The following NEMF variants were observed in gnomAD, a reference collection of about 807,000 sequenced individuals.
NEMF encodes ribosome quality control complex subunit NEMF.
NEMF carries 89 observed loss-of-function variants against 162.2 expected under a neutral mutation model. The observed-to-expected ratio is 0.55, with a 90% CI of 0.46 to 0.65. The LOEUF (loss-of-function observed/expected upper bound fraction) is 0.65, where lower values mean the gene tolerates loss of function less well. Among genes scored for constraint, NEMF ranks in the 30% least tolerant of loss-of-function variants. The probability of loss-of-function intolerance (pLI) is 0.00; values close to 1 mark genes in which losing one functional copy is unlikely to be tolerated. For synonymous variants in NEMF, 421 were observed against 404.5 expected, an observed-to-expected ratio of 1.04 and a Z score of -0.49; for missense variants, 1,133 against 1,261.9, an observed-to-expected ratio of 0.90 and a Z score of 1.55.
Position 49,783,058 on chromosome 14 carries a change from C to CTGT in NEMF, c.*1575_*1577dup. 8.0e-7 allele frequency: 1 copy of CTGT among 1,256,962 alleles called. No homozygotes were observed. The allele number at this position is 1,256,962 out of a possible 1,614,324, so 77.9% of individuals were successfully genotyped here. A position where few individuals can be genotyped will look rare whatever the true frequency, so the allele number is the denominator to read the frequency against. On this transcript the variant is annotated 3_prime_UTR_variant, in exon 33 of 33. Transcript: ENST00000298310. Reference sequence around the variant, plus strand: ...TTATATGCATTGTTGTAGTTTGCACCTGTTGGTTTTAATGTGCATGTGAAT... The same window carrying CTGT: ...TTATATGCATTGTTGTAGTTTGCACCTGTTGTTGGTTTTAATGTGCATGTGAAT...
intron 11 of NEMF, 104 bp from the exon 12 acceptor site, chr14:49,829,530 T>C: frequency 3.2e-6 from 3 of 931,492 alleles, no homozygotes; most frequent in Non-Finnish European, 4.9e-6. Context: ...TCTATGCTGT[T>C]ATCTAGCTAG....
In NEMF at chr14:49,800,428, T is replaced by G; in HGVS notation, c.2364A>C (p.Gln788His). 1.2e-6 allele frequency: 2 copies of G among 1,610,732 alleles called. No homozygotes were observed. Among genetic ancestry groups the G allele is most frequent in the Non-Finnish European group, 1.7e-6 (2 of 1,178,180 alleles). ...PDTTIDLSHL[Q>H]PQRSIQKLAS... ...TTTTATTTTTTAATTACCTTTGGGGTTGAAGGTGAGACAAGTCAATGGTAG... is the reference window on the plus strand; with the variant it reads ...TTTTATTTTTTAATTACCTTTGGGGGTGAAGGTGAGACAAGTCAATGGTAG... Residue 788 changes from glutamine to histidine, a missense_variant, in exon 23 of 33, where the codon CAA becomes CAC. Around this residue, in one of 3 missense-constraint regions of NEMF, gnomAD observed 532 missense variants for 578.6 expected, o/e 0.92. Transcript: ENST00000298310.
chr14:49,840,623 C>G (rs1594800724), intron 5 of NEMF, 95 bp downstream of exon 5: 1 of 1,050,388 alleles, frequency 9.5e-7, no homozygotes, highest in East Asian at 2.6e-5. Context: ...TGACATATGA[C>G]CCATTTTACC....
At chr14:49,798,464 T>C (rs1245276772) in intron 25 of NEMF, among the ~76,000 whole-genome samples, 2 of 151,944 alleles carry the variant, frequency 1.3e-5, no homozygotes, top group African/African-American at 2.4e-5. Flanking sequence ...ATTAGAAGAG[T>C]TTTCAGTCTT....
At chr14:49,841,614 T>C (rs1594802460) in intron 4 of NEMF, among the ~76,000 whole-genome samples, 2 of 140,190 alleles carry the variant, frequency 1.4e-5, no homozygotes, top group South Asian at 2.2e-4. Flanking sequence ...AGAAAGAAAA[T>C]GTGGTCAATT....
intron 18 of NEMF, among the ~76,000 whole-genome samples, chr14:49,811,660 T>C (rs967123366): frequency 2.6e-5 from 4 of 152,210 alleles, no homozygotes; most frequent in African/African-American, 7.2e-5. Flanking sequence ...CAAACAAATG[T>C]TGAATTTTGT....
At chr14:49,817,202 G>C (rs1891756429) in intron 16 of NEMF, among the ~76,000 whole-genome samples, 1 of 152,162 alleles carries the variant, frequency 6.6e-6, no homozygotes, top group Non-Finnish European at 1.5e-5. Context: ...CAGCACTTTG[G>C]GAGGCCAACG....
At position 49,800,533 on chromosome 14, in the gene NEMF, T is replaced by A; in HGVS notation, c.2259A>T (p.Glu753Asp). The part of the protein sequence containing the change: ...IQEESSEDEG[E>D]YEEVRKDQDS... The stretch of plus-strand genomic sequence containing the variant: ...CCTGATCTTTTCTAACCTCTTCATA[T>A]TCTCCTTCGTCTTCAGAGCTTTCTT... The change falls in exon 23 of 33, where the codon GAA becomes GAT. Residue 753 changes from glutamate to aspartate, a missense_variant. Coordinates refer to ENST00000298310, the MANE Select transcript of NEMF (RefSeq NM_004713.6). The A allele has an allele frequency of 6.2e-7, 1 of 1,614,082 alleles. No individual in the cohort carries two copies. Among genetic ancestry groups the A allele is most frequent in the Non-Finnish European group, 8.5e-7 (1 of 1,179,964 alleles).
rs1890064942 is a variant in NEMF, at chr14:49,784,500, C to A, written c.*136G>T. The A allele has an allele frequency of 3.2e-6, 2 of 618,502 alleles. No homozygotes were observed. Among genetic ancestry groups the A allele is most frequent in the East Asian group, 5.6e-5 (2 of 35,414 alleles). The allele number at this position is 618,502 out of a possible 1,614,324, so 38.3% of individuals were successfully genotyped here. A position where few individuals can be genotyped will look rare whatever the true frequency, so the allele number is the denominator to read the frequency against. ...ACTGGGAAAAAACAAGAAGTAAGTC[C>A]TTTTGGTGAATATAGCAAGGCAATG... is the stretch of plus-strand genomic sequence containing the variant. On this transcript the variant is annotated 3_prime_UTR_variant, in exon 33 of 33. Transcript: ENST00000298310.
chr14:49,819,833 C>T (rs1205190308), intron 16 of NEMF, among the ~76,000 whole-genome samples: 1 of 152,162 alleles, frequency 6.6e-6, no homozygotes, highest in African/African-American at 2.4e-5. Context: ...GCATCTAGTC[C>T]AGTGCCCTCC....
chr14:49,805,613 C>T (rs1218860797), intron 19 of NEMF, among the ~76,000 whole-genome samples: 1 of 151,936 alleles, frequency 6.6e-6, no homozygotes, highest in Admixed American at 6.6e-5. Flanking sequence ...GCCTACTTTT[C>T]TGGAAGTGCC....
intron 26 of NEMF, among the ~76,000 whole-genome samples, chr14:49,793,177 T>C (rs1890534218): frequency 6.6e-6 from 1 of 152,184 alleles, no homozygotes; most frequent in Non-Finnish European, 1.5e-5. Flanking sequence ...TATGAAACAT[T>C]ATATTTTTGC....
Position 49,852,742 on chromosome 14 carries a change from G to A in NEMF, c.12C>T (p.Arg4=), listed in dbSNP as rs367790236. 2.5e-6 allele frequency: 4 copies of A among 1,614,126 alleles called. No homozygotes were observed. Among genetic ancestry groups the A allele is most frequent in the Non-Finnish European group, 2.5e-6 (3 of 1,180,062 alleles). The change falls in exon 1 of 33, where the codon CGC becomes CGT. Residue 4 remains arginine, a synonymous_variant. Transcript: ENST00000298310. The part of the protein sequence containing the change: MKS[R]FSTIDLRAVL... ...CGGCGCGGAGGTCAATGGTGCTAAA[G>A]CGGCTCTTCATGGCGAGGCCCGAGG...
intron 11 of NEMF, 64 bp downstream of exon 11, chr14:49,831,235 T>C: frequency 2.3e-6 from 2 of 864,760 alleles, no homozygotes; most frequent in East Asian, 2.4e-5. Context: ...CCCTTTCCTA[T>C]ATCATCTACC....
chr14:49,816,534 A>G (rs1039464993), intron 16 of NEMF, among the ~76,000 whole-genome samples: 3 of 152,206 alleles, frequency 2.0e-5, no homozygotes, highest in Non-Finnish European at 2.9e-5. Context: ...GGTGGGCATC[A>G]TGGTCCTACG....
Position 49,846,149 on chromosome 14 carries a change from G to A in NEMF, c.348C>T (p.Leu116=). 6.2e-7 allele frequency: 1 copy of A among 1,612,742 alleles called. No individual in the cohort carries two copies. The highest frequency in any genetic ancestry group is 8.5e-7 in the Non-Finnish European group (1 of 1,179,418). The change falls in exon 4 of 33, where the codon CTC becomes CTT. Residue 116 remains leucine, a synonymous_variant. Transcript: ENST00000298310. The part of the protein sequence containing the change: ...DEAAYHLIIE[L]YDRGNIVLTD... ...CACAAATTTAACTTACCCTATCATA[G>A]AGCTCAATGATTAAATGGTAAGCAG...
intron 26 of NEMF, among the ~76,000 whole-genome samples, chr14:49,793,995 TTC>T (rs1338641779): frequency 6.6e-6 from 1 of 152,226 alleles, no homozygotes; most frequent in Non-Finnish European, 1.5e-5. Flanking sequence ...TGGTACCGTT[TTC>T]ACATGGTTAG....
At chr14:49,802,065 C>T (rs181678858) in intron 22 of NEMF, among the ~76,000 whole-genome samples, 37 of 151,754 alleles carry the variant, frequency 2.4e-4, no homozygotes, top group Non-Finnish European at 3.5e-4. Flanking sequence ...TCAAGCAATC[C>T]TCCTACCTCA....
chr14:49,784,477 T>C lies in NEMF; in HGVS notation c.*159A>G, dbSNP rs535056227. 10 of 583,618 alleles carry C rather than the reference T, an allele frequency of 1.7e-5. No individual in the cohort carries two copies. In the South Asian group the frequency reaches 2.2e-4, roughly 13 times the overall value. The allele number at this position is 583,618 out of a possible 1,614,324, so 36.2% of individuals were successfully genotyped here. ...AGACAGTGTTTCCTCTATATAAAAC[T>C]GGGAAAAAACAAGAAGTAAGTCCTT... is the stretch of plus-strand genomic sequence containing the variant. On this transcript the variant is annotated 3_prime_UTR_variant, in exon 33 of 33. Coordinates refer to ENST00000298310, the MANE Select transcript of NEMF (RefSeq NM_004713.6).
Sources: allele counts gnomAD v4.1 joint callset (sites outside exome capture counted in the v4.1 genomes callset), GRCh38; gene constraint gnomAD v4.1.1; regional missense constraint gnomAD v4.1.1; transcripts MANE v1.5; gene names NCBI Gene and HGNC (gene_info 2026-07-23, HGNC 2026-07-21).